The following RRAS2 variants were observed in gnomAD, a reference collection of about 807,000 sequenced individuals.
The protein encoded by RRAS2 is RAS related 2, also known as ras-related protein R-Ras2.
A neutral mutation model predicts 27.6 loss-of-function variants in RRAS2; 7 were observed. The ratio of observed to expected loss-of-function variants is 0.25; its 90% CI spans 0.14 to 0.48. The LOEUF (loss-of-function observed/expected upper bound fraction) is 0.48, where lower values mean the gene tolerates loss of function less well. Among genes scored for constraint, RRAS2 ranks in the 20% least tolerant of loss-of-function variants. The pLI is 0.99. For synonymous variants in RRAS2, 86 were observed against 90.9 expected (o/e 0.95, Z 0.31); for missense variants, 178 against 256.2 (o/e 0.69, Z 2.08).
intron 1 of RRAS2, among the ~76,000 whole-genome samples, chr11:14,307,121 G>C (rs782721094): frequency 6.6e-6 from 1 of 151,698 alleles, no homozygotes; most frequent in Non-Finnish European, 1.5e-5. Flanking sequence ...AGCTCGGGAA[G>C]TCAAGGCTGC....
intron 4 of RRAS2, among the ~76,000 whole-genome samples, chr11:14,286,719 T>A (rs1849668005): frequency 6.6e-6 from 1 of 152,238 alleles, no homozygotes; most frequent in Non-Finnish European, 1.5e-5. Context: ...TCCAACAGGA[T>A]AACGGGCAGG....
chr11:14,357,339 G>A (rs1407136558), intron 1 of RRAS2, among the ~76,000 whole-genome samples: 4 of 151,976 alleles, frequency 2.6e-5, no homozygotes, highest in Non-Finnish European at 5.9e-5. Flanking sequence ...TCCCCAAAGG[G>A]TTAGCTATAA....
chr11:14,341,594 A>AT (rs1430435152), intron 1 of RRAS2, among the ~76,000 whole-genome samples: 2 of 152,248 alleles, frequency 1.3e-5, no homozygotes, highest in South Asian at 2.1e-4. Flanking sequence ...AGGACCAAAA[A>AT]AAAAATAAAA....
At chr11:14,333,389 T>C (rs1213948845) in intron 1 of RRAS2, among the ~76,000 whole-genome samples, 9 of 152,202 alleles carry the variant, frequency 5.9e-5, no homozygotes, top group African/African-American at 1.9e-4. Context: ...ACACCAATTA[T>C]ATTCCCTTAA....
chr11:14,310,823 T>C (rs1313806289), intron 1 of RRAS2, among the ~76,000 whole-genome samples: 5 of 152,340 alleles, frequency 3.3e-5, no homozygotes, highest in African/African-American at 1.2e-4. Context: ...AAGGAATTCT[T>C]CCTTGTTTCT....
At position 14,313,952 on chromosome 11, in the gene RRAS2, T is replaced by C. The variant is rs151120017; in HGVS notation, c.109-18097A>G. ...TGCAGTAAGTCTCAAGAGCAATCAG[T>C]AAAGAAAAAAGAATTTAGCAAGTAT... On this transcript the variant is annotated intron_variant, in intron 1 of 5. Coordinates refer to ENST00000256196, the MANE Select transcript of RRAS2 (RefSeq NM_012250.6). Among the ~76,000 whole-genome samples the C allele has an allele frequency of 3.3e-5, 5 of 152,246 alleles. No homozygotes were observed. In the East Asian group the frequency reaches 9.6e-4, roughly 29 times the overall value.
chr11:14,357,851 G>A (rs1849115928), intron 1 of RRAS2, among the ~76,000 whole-genome samples: 1 of 152,070 alleles, frequency 6.6e-6, no homozygotes, highest in East Asian at 1.9e-4. Context: ...GAAAGACATC[G>A]GGGCTTTGTG....
chr11:14,325,595 G>A (rs781919314), intron 1 of RRAS2, among the ~76,000 whole-genome samples: 5 of 152,046 alleles, frequency 3.3e-5, no homozygotes, highest in Non-Finnish European at 7.4e-5. Flanking sequence ...CACCGTGCCC[G>A]GCTTCCTTTC....
At chr11:14,284,682 C>T (rs1344832004) in intron 4 of RRAS2, among the ~76,000 whole-genome samples, 1 of 152,138 alleles carries the variant, frequency 6.6e-6, no homozygotes, top group Non-Finnish European at 1.5e-5. Context: ...TATTAGATCA[C>T]GAATGTTTGG....
rs1475040801 is a variant in RRAS2 at position 14,278,447 on chromosome 11, A to G, written c.*890T>C. 1 of 152,264 alleles carries G rather than the reference A, an allele frequency of 6.6e-6. No individual in the cohort carries two copies. The highest frequency in any genetic ancestry group is 1.5e-5 in the Non-Finnish European group (1 of 68,036). The allele number at this position is 152,264 out of a possible 1,614,324, so 9.4% of individuals were successfully genotyped here. A position where few individuals can be genotyped will look rare whatever the true frequency, so the allele number is the denominator to read the frequency against. ...AAACATATAAAAATACTTGTTAACT[A>G]GTTTGATAAGAAAATAATGTATAAA... On this transcript the variant is annotated 3_prime_UTR_variant, in exon 6 of 6. Coordinates refer to ENST00000256196, the MANE Select transcript of RRAS2 (RefSeq NM_012250.6).
intron 2 of RRAS2, 74 bp downstream of exon 2, chr11:14,295,694 C>T: frequency 2.7e-6 from 3 of 1,108,784 alleles, no homozygotes; most frequent in East Asian, 4.8e-5. Context: ...TATTATTTAA[C>T]ATAGCAAAAC....
chr11:14,364,217 A>G (rs1554956469), intron 1 of RRAS2, among the ~76,000 whole-genome samples: 1 of 152,218 alleles, frequency 6.6e-6, no homozygotes, highest in African/African-American at 2.4e-5. Flanking sequence ...TTACAAACCA[A>G]TATTGACCAA....
intron 1 of RRAS2, among the ~76,000 whole-genome samples, chr11:14,309,519 G>A (rs546586828): frequency 6.6e-6 from 1 of 152,316 alleles, no homozygotes; most frequent in Non-Finnish European, 1.5e-5. Flanking sequence ...AATGAAGGGG[G>A]CTGGCAACAG....
chr11:14,320,813 T>C (rs763747915), intron 1 of RRAS2, among the ~76,000 whole-genome samples: 6 of 152,200 alleles, frequency 3.9e-5, no homozygotes, highest in Non-Finnish European at 7.3e-5. Flanking sequence ...TCATATAAAG[T>C]AGTATGCAGT....
intron 1 of RRAS2, among the ~76,000 whole-genome samples, chr11:14,305,501 TG>T (rs1847810106): frequency 6.6e-6 from 1 of 152,202 alleles, no homozygotes; most frequent in Non-Finnish European, 1.5e-5. Context: ...AGCTTGTCTT[TG>T]GGGTACCACT....
In RRAS2 at chr11:14,294,811, A is replaced by G; in HGVS notation, c.248T>C (p.Met83Thr). The G allele has an allele frequency of 6.2e-7, 1 of 1,613,854 alleles. No homozygotes were observed. The highest frequency in any genetic ancestry group is 8.5e-7 in the Non-Finnish European group (1 of 1,179,928). ...EEFGAMREQY[M>T]RTGEGFLLVF... ...CAACAGGAAGCCTTCGCCAGTCCTC[A>G]TATACTGTTCTCTCATGGCTCCAAA... The change falls in exon 3 of 6, where the codon ATG becomes ACG. Residue 83 changes from methionine (M) to threonine (T), a missense_variant. Met to Thr is a moderately conservative substitution (Grantham distance 81, BLOSUM62 -1). Transcript: ENST00000256196.
At chr11:14,320,872 C>T (rs1554950186) in intron 1 of RRAS2, among the ~76,000 whole-genome samples, 1 of 152,088 alleles carries the variant, frequency 6.6e-6, no homozygotes, top group African/African-American at 2.4e-5. Flanking sequence ...TAACTTAACA[C>T]AACAATTTAA....
chr11:14,290,728 A>C (rs1273665749), intron 4 of RRAS2, among the ~76,000 whole-genome samples: 1 of 152,218 alleles, frequency 6.6e-6, no homozygotes, highest in East Asian at 1.9e-4. Flanking sequence ...CATTTGTCCA[A>C]TTAGTGATAC....
chr11:14,322,856 C>A (rs931992147), intron 1 of RRAS2, among the ~76,000 whole-genome samples: 13 of 151,970 alleles, frequency 8.6e-5, no homozygotes, highest in Non-Finnish European at 1.9e-4. Flanking sequence ...CCAATCAAGA[C>A]AAATGTGAAT....
Sources: allele counts gnomAD v4.1 joint callset (sites outside exome capture counted in the v4.1 genomes callset), GRCh38; gene constraint gnomAD v4.1.1; transcripts MANE v1.5; gene names NCBI Gene and HGNC (gene_info 2026-07-23, HGNC 2026-07-21).